The following CDK13 variants were observed in gnomAD, a reference collection of about 807,000 sequenced individuals.
CDK13 encodes cyclin-dependent kinase 13.
A neutral mutation model predicts 137.6 loss-of-function variants in CDK13; 40 were observed. That is an observed-to-expected ratio of 0.29 (90% CI 0.23 to 0.38). The LOEUF (loss-of-function observed/expected upper bound fraction) is 0.38, where lower values mean the gene tolerates loss of function less well. Among genes scored for constraint, CDK13 ranks in the 10% least tolerant of loss-of-function variants. CDK13 has a pLI of 1.00. For synonymous variants in CDK13, 869 were observed against 760.1 expected, an observed-to-expected ratio of 1.14 and a Z score of -2.36; for missense variants, 1,704 against 1,951.8, an observed-to-expected ratio of 0.87 and a Z score of 2.39.
intron 6 of CDK13, among the ~76,000 whole-genome samples, chr7:40,047,175 A>T (rs1411236443): frequency 6.6e-6 from 1 of 152,192 alleles, no homozygotes; most frequent in Non-Finnish European, 1.5e-5. Flanking sequence ...AGAAAATTTT[A>T]AAAAAGCAGT....
chr7:40,053,085 C>G (rs1343760577), intron 7 of CDK13, among the ~76,000 whole-genome samples: 1 of 152,140 alleles, frequency 6.6e-6, no homozygotes, highest in African/African-American at 2.4e-5. Flanking sequence ...GTTCTCCCTT[C>G]AACTCTAATG....
chr7:40,083,544 TTA>T (rs1786717466), intron 11 of CDK13, among the ~76,000 whole-genome samples: 1 of 152,210 alleles, frequency 6.6e-6, no homozygotes, highest in African/African-American at 2.4e-5. Flanking sequence ...TGTTTCTTAA[TTA>T]TGTTTTTTAA....
At chr7:40,080,145 A>G (rs1786635302) in intron 11 of CDK13, among the ~76,000 whole-genome samples, 1 of 151,998 alleles carries the variant, frequency 6.6e-6, no homozygotes, top group African/African-American at 2.4e-5. Context: ...GCACCACCAC[A>G]TCTGGCTAAT....
At chr7:40,003,691 G>T (rs1215534094) in intron 5 of CDK13, among the ~76,000 whole-genome samples, 1 of 152,116 alleles carries the variant, frequency 6.6e-6, no homozygotes, top group Non-Finnish European at 1.5e-5. Flanking sequence ...TTTTCCTCCA[G>T]CATACCAGGG....
At chr7:40,015,655 G>A (rs17171644) in intron 5 of CDK13, among the ~76,000 whole-genome samples, 16,269 of 152,086 alleles carry the variant, frequency 0.11, 2,870 homozygotes, top group African/African-American at 0.37. Flanking sequence ...AGGTAGGATG[G>A]AATTTTGGAA....
Position 39,967,468 on chromosome 7 carries a change from A to AT in CDK13, c.1211+15618dup, listed in dbSNP as rs554340553. On this transcript the variant is annotated intron_variant, in intron 1 of 13. Transcript: ENST00000181839. ...AAAACAAAAAACAAACCTGAACCACATTAAAAAAAAAAAAATCCGTTCATC... is the reference window on the plus strand; with the variant it reads ...AAAACAAAAAACAAACCTGAACCACATTTAAAAAAAAAAAAATCCGTTCATC... Among the ~76,000 whole-genome samples, 9 of 151,656 alleles carry AT rather than the reference A, an allele frequency of 5.9e-5. No individual in the cohort carries two copies. In the South Asian group the frequency reaches 1.7e-3, roughly 28 times the overall value.
chr7:40,041,994 C>T (rs529997178), intron 5 of CDK13, among the ~76,000 whole-genome samples: 10 of 152,130 alleles, frequency 6.6e-5, no homozygotes, highest in South Asian at 2.1e-4. Context: ...AAATATTTTT[C>T]GTGTGTTTTT....
chr7:39,989,110 AAG>A (rs200079970), intron 2 of CDK13, among the ~76,000 whole-genome samples: 36,277 of 93,980 alleles, frequency 0.39, 7,859 homozygotes, highest in East Asian at 0.63. Flanking sequence ...AAAAAAAAAA[AAG>A]AGAAAATTCA....
At chr7:39,983,458 C>T (rs1784272544) in intron 1 of CDK13, among the ~76,000 whole-genome samples, 1 of 152,178 alleles carries the variant, frequency 6.6e-6, no homozygotes, top group Admixed American at 6.5e-5. Context: ...TTTTCTGAGT[C>T]TTTATCTCTG....
intron 1 of CDK13, among the ~76,000 whole-genome samples, chr7:39,979,201 TTC>T (rs1213988912): frequency 9.5e-5 from 14 of 147,026 alleles, no homozygotes; most frequent in Admixed American, 8.8e-4. Flanking sequence ...GTAGATTTTT[TTC>T]TTTCTTTTTT....
At chr7:40,068,163 C>T (rs900819389) in intron 9 of CDK13, among the ~76,000 whole-genome samples, 2 of 151,682 alleles carry the variant, frequency 1.3e-5, no homozygotes, top group African/African-American at 4.8e-5. Context: ...AAATAGTATC[C>T]AGCTTTTTAT....
At position 39,988,113 on chromosome 7, in the gene CDK13, G is replaced by A. The variant is rs756047708; in HGVS notation, c.1726G>A (p.Glu576Lys). ...KESKSAATKE[E>K]SVSLKEKTKP... ...GAGTAAATCTGCTGCTACAAAGGAG[G>A]AATCAGTATCTCTTAAAGAGAAAAC... is the stretch of plus-strand genomic sequence containing the variant. The change falls in exon 2 of 14, where the codon GAA (glutamate) becomes AAA (lysine). Residue 576 changes from glutamate (E) to lysine (K), a missense_variant. This residue lies in a region of CDK13 where 1,051 missense variants were observed against 931.0 expected (regional missense o/e 1.13). Transcript: ENST00000181839. 6.2e-7 allele frequency: 1 copy of A among 1,613,968 alleles called. No homozygotes were observed. The highest frequency in any genetic ancestry group is 1.1e-5 in the South Asian group (1 of 91,050).
At position 39,999,368 on chromosome 7, in the gene CDK13, G is replaced by T; in HGVS notation, c.2050G>T (p.Gly684Trp). 6.2e-7 allele frequency: 1 copy of T among 1,608,144 alleles called. No individual in the cohort carries two copies. The highest frequency in any genetic ancestry group is 8.5e-7 in the Non-Finnish European group (1 of 1,177,678). ...LHSKRRPKIC[G>W]PRYGETKEKD... Reference sequence around the variant, plus strand: ...TAGAACTATATTTGATAGAATATGTGGGCCTCGCTATGGTGAAACCAAAGA... The same window carrying T: ...TAGAACTATATTTGATAGAATATGTTGGCCTCGCTATGGTGAAACCAAAGA... Residue 684 changes from glycine (G) to tryptophan (W), a missense_variant, in exon 4 of 14, where the codon GGG (glycine) becomes TGG (tryptophan). By Grantham distance (184) the Gly-to-Trp change is radical. This residue lies in a region of CDK13 where 130 missense variants were observed against 362.4 expected (regional missense o/e 0.36). Transcript: ENST00000181839.
intron 11 of CDK13, among the ~76,000 whole-genome samples, chr7:40,079,350 C>T (rs904810232): frequency 6.6e-6 from 1 of 151,772 alleles, no homozygotes. Flanking sequence ...ACCCGCGAGG[C>T]GGAGGTTGCA....
At chr7:40,061,024 C>CAA (rs1786133648) in intron 7 of CDK13, 2 of 151,268 alleles carry the variant, frequency 1.3e-5, no homozygotes, top group Non-Finnish European at 2.9e-5. Context: ...GCTGAGATTG[C>CAA]GCCACTGTAC....
At chr7:40,072,125 TCAA>T (rs1355522111) in intron 9 of CDK13, 3 of 152,212 alleles carry the variant, frequency 2.0e-5, no homozygotes, top group African/African-American at 7.2e-5. Context: ...TTGTACTGCT[TCAA>T]CAAGTACATT....
Position 40,085,131 on chromosome 7 carries a change from C to G in CDK13, c.3030-2995C>G, listed in dbSNP as rs141829537. ...ATCCCAGCACTTTGGGAGGCCAAGACTGGCAGATCACCTGAGGTCAGGAGT... is the reference window on the plus strand; with the variant it reads ...ATCCCAGCACTTTGGGAGGCCAAGAGTGGCAGATCACCTGAGGTCAGGAGT... On this transcript the variant is annotated intron_variant, in intron 11 of 13. Coordinates refer to ENST00000181839, the MANE Select transcript of CDK13 (RefSeq NM_003718.5). Among the ~76,000 whole-genome samples, 1,046 of 152,264 alleles carry G rather than the reference C, an allele frequency of 6.9e-3. 11 individuals carry two copies. Among genetic ancestry groups the G allele is most frequent in the African/African-American group, 0.023 (974 of 41,562 alleles).
At chr7:39,992,925 T>C (rs1011050122) in intron 2 of CDK13, among the ~76,000 whole-genome samples, 3 of 152,154 alleles carry the variant, frequency 2.0e-5, no homozygotes, top group Non-Finnish European at 2.9e-5. Context: ...GACCAAAATA[T>C]CAGATTGTTT....
In CDK13 at chr7:40,039,257, T is replaced by C. The variant is rs868373155; in HGVS notation, c.2354-6579T>C. Among the ~76,000 whole-genome samples the C allele has an allele frequency of 5.8e-4, 88 of 151,988 alleles. 1 individual carries two copies. The highest frequency in any genetic ancestry group is 2.0e-3 in the African/African-American group (82 of 41,456). On this transcript the variant is annotated intron_variant, in intron 5 of 13. Coordinates refer to ENST00000181839, the MANE Select transcript of CDK13 (RefSeq NM_003718.5). ...CCTAATTTAGAGAGTTTTTATTTTA[T>C]TTATATATACAGATAGAGAGAGAGA...
Sources: allele counts gnomAD v4.1 joint callset (sites outside exome capture counted in the v4.1 genomes callset), GRCh38; gene constraint gnomAD v4.1.1; regional missense constraint gnomAD v4.1.1; transcripts MANE v1.5; gene names NCBI Gene and HGNC (gene_info 2026-07-23, HGNC 2026-07-21).